SEC16B: variants seen among roughly 807,000 people sequenced by gnomAD.
SEC16B encodes protein transport protein Sec16B.
In SEC16B, 115 loss-of-function variants were observed where a neutral mutation model predicts 141.8. The ratio of observed to expected loss-of-function variants is 0.81; its 90% CI spans 0.70 to 0.95. The LOEUF (loss-of-function observed/expected upper bound fraction) is 0.95. SEC16B is among the 40% of genes least tolerant of loss of function. SEC16B has a pLI of 0.00. For missense variants in SEC16B, 1,291 were observed against 1,312.3 expected (o/e 0.98, Z 0.25); for synonymous variants, 493 against 492.5 (o/e 1.00, Z -0.01).
intron 24 of SEC16B, among the ~76,000 whole-genome samples, chr1:177,931,909 T>C (rs941110315): frequency 6.6e-6 from 1 of 151,358 alleles, no homozygotes; most frequent in African/African-American, 2.4e-5. Context: ...GAACTCCACC[T>C]CCTCCTGGGA....
chr1:177,944,770 T>G, intron 14 of SEC16B, 104 bp from the exon 15 acceptor site: 1 of 923,054 alleles, frequency 1.1e-6, no homozygotes, highest in South Asian at 1.5e-5. Flanking sequence ...ATGGGGGAGT[T>G]TCCATCCTGG....
chr1:177,933,491 T>C lies in SEC16B; in HGVS notation c.2717A>G (p.His906Arg), dbSNP rs557959940. The C allele has an allele frequency of 1.2e-6, 2 of 1,613,104 alleles. No individual in the cohort carries two copies. Among genetic ancestry groups the C allele is most frequent in the South Asian group, 2.2e-5 (2 of 90,766 alleles). ...QRGKLGDGKE[H>R]TKSSGFGWFS... ...AAGAACAAGTCCCTCCACCTTTGTA[T>C]GCTCCTTCCCATCTCCGAGCTTGCC... The change falls in exon 21 of 26, where the codon CAT (histidine) becomes CGT (arginine). Residue 906 changes from histidine to arginine, a missense_variant. Physicochemically the swap from His to Arg is conservative, Grantham distance 29. This residue lies in a region of SEC16B where 605 missense variants were observed against 614.1 expected (regional missense o/e 0.99). Transcript: ENST00000308284.
intron 3 of SEC16B, among the ~76,000 whole-genome samples, 173 bp downstream of exon 3, chr1:177,965,720 T>C (rs1653463703): frequency 6.6e-6 from 1 of 152,186 alleles, no homozygotes; most frequent in African/African-American, 2.4e-5. Context: ...AAACAACTCC[T>C]TTATATCTCT....
In SEC16B at chr1:177,929,720, C is replaced by G. The variant is rs1650270540; in HGVS notation, c.*138G>C. ...TTGAGAGATCCTGTCCTCTTGCCTT[C>G]TAAGTGCCCGGTGGAGGCATCGGGC... On this transcript the variant is annotated 3_prime_UTR_variant, in exon 26 of 26. Coordinates refer to ENST00000308284, the MANE Select transcript of SEC16B (RefSeq NM_033127.4). The G allele has an allele frequency of 1.2e-6, 1 of 807,346 alleles. No individual in the cohort carries two copies. Among genetic ancestry groups the G allele is most frequent in the African/African-American group, 1.7e-5 (1 of 58,326 alleles). The allele number at this position is 807,346 out of a possible 1,614,324, so 50.0% of individuals were successfully genotyped here.
At chr1:177,982,851 G>A (rs895709250) in intron 1 of SEC16B, among the ~76,000 whole-genome samples, 6 of 152,156 alleles carry the variant, frequency 3.9e-5, no homozygotes, top group Non-Finnish European at 7.3e-5. Flanking sequence ...GTCAGCAGCC[G>A]TTGAAAAGGT....
chr1:177,933,392 C>T, intron 21 of SEC16B, 80 bp from the exon 22 acceptor site: 1 of 1,559,840 alleles, frequency 6.4e-7, no homozygotes, highest in Non-Finnish European at 8.7e-7. Context: ...CCCATGTAAC[C>T]ATCAGAGCCC....
At chr1:177,933,340 C>A in intron 21 of SEC16B, 28 bp from the exon 22 acceptor site, 1 of 1,576,158 alleles carries the variant, frequency 6.3e-7, no homozygotes, top group Non-Finnish European at 8.6e-7. Flanking sequence ...CATTTTATGA[C>A]CTGCAGGTTG....
chr1:177,944,805 A>C, intron 14 of SEC16B, 139 bp from the exon 15 acceptor site: 1 of 614,682 alleles, frequency 1.6e-6, no homozygotes, highest in South Asian at 2.2e-5. Context: ...CGGCTTCAAG[A>C]GAAGAAGGAG....
intron 5 of SEC16B, among the ~76,000 whole-genome samples, chr1:177,962,439 G>A (rs1027028607): frequency 1.3e-5 from 2 of 150,856 alleles, no homozygotes; most frequent in South Asian, 2.2e-4. Flanking sequence ...GGATGCAGGT[G>A]TAAAGAAATT....
chr1:177,958,080 G>A, intron 10 of SEC16B, 52 bp downstream of exon 10: 1 of 1,259,272 alleles, frequency 7.9e-7, no homozygotes, highest in Non-Finnish European at 1.1e-6. Flanking sequence ...GAGTGGTGGA[G>A]AGGGATGGTG....
chr1:177,933,537 G>C lies in SEC16B; in HGVS notation c.2671C>G (p.Pro891Ala), dbSNP rs371931365. 7 of 1,613,822 alleles carry C rather than the reference G, an allele frequency of 4.3e-6. No homozygotes were observed. The highest frequency in any genetic ancestry group is 5.9e-6 in the Non-Finnish European group (7 of 1,179,886). Residue 891 changes from proline to alanine, a missense_variant, in exon 21 of 26, where the codon CCC (proline) becomes GCC (alanine). This residue lies in a region of SEC16B where 605 missense variants were observed against 614.1 expected (regional missense o/e 0.99). Coordinates refer to ENST00000308284, the MANE Select transcript of SEC16B (RefSeq NM_033127.4). The stretch of plus-strand genomic sequence containing the variant: ...TTGCCTCTCTGGGCAGTATTTCGGG[G>C]AGAGTTTTTATCAGCCTCATCAGAG... ...ESSDEADKNS[P>A]RNTAQRGKLG...
At chr1:177,945,179 G>A (rs1454297960) in intron 14 of SEC16B, among the ~76,000 whole-genome samples, 4 of 152,164 alleles carry the variant, frequency 2.6e-5, no homozygotes, top group African/African-American at 9.7e-5. Context: ...ATCAAACACG[G>A]GTCCATACAT....
chr1:177,963,004 A>G (rs1327903900), intron 5 of SEC16B, among the ~76,000 whole-genome samples: 1 of 151,788 alleles, frequency 6.6e-6, no homozygotes, highest in Non-Finnish European at 1.5e-5. Context: ...GCTACTAGGA[A>G]GGCCGAGGCA....
intron 19 of SEC16B, among the ~76,000 whole-genome samples, chr1:177,936,790 T>G (rs1243409740): frequency 6.6e-6 from 1 of 152,196 alleles, no homozygotes; most frequent in African/African-American, 2.4e-5. Context: ...GTCGAAGGTC[T>G]GATGGGCCTG....
rs1473094315 is a variant in SEC16B, at chr1:177,929,568, C to T, written c.*290G>A. 1 of 388,356 alleles carries T rather than the reference C, an allele frequency of 2.6e-6. No homozygotes were observed. The allele number at this position is 388,356 out of a possible 1,614,324, so 24.1% of individuals were successfully genotyped here. ...AATTTCCCCAAGGCTCTCAAGCCAC[C>T]ACCATAAGTGCCACCACCATGTCAC... On this transcript the variant is annotated 3_prime_UTR_variant, in exon 26 of 26. Transcript: ENST00000308284.
intron 1 of SEC16B, among the ~76,000 whole-genome samples, chr1:177,981,796 A>C (rs1238147752): frequency 6.6e-6 from 1 of 152,156 alleles, no homozygotes; most frequent in East Asian, 1.9e-4. Context: ...TTAGGCAGTA[A>C]ATATGAGTCA....
chr1:177,956,234 C>A (rs1383719386), intron 10 of SEC16B, among the ~76,000 whole-genome samples: 1 of 152,178 alleles, frequency 6.6e-6, no homozygotes, highest in African/African-American at 2.4e-5. Context: ...TACATATTTT[C>A]TGTGGCTGCT....
At chr1:177,939,619 A>C (rs551892899) in intron 18 of SEC16B, 83 bp downstream of exon 18, 2 of 1,192,628 alleles carry the variant, frequency 1.7e-6, no homozygotes, top group Non-Finnish European at 2.4e-6. Context: ...GCAAAGGGCG[A>C]GTGCTTTCAT....
chr1:177,928,791 G>A lies in SEC16B; in HGVS notation c.*1067C>T, dbSNP rs1650209311. Reference sequence around the variant, plus strand: ...AAAAATCAGCCAGAGACAAGCATTTGCTATAAAATTATCTGGGTTTAATTA... The same window carrying A: ...AAAAATCAGCCAGAGACAAGCATTTACTATAAAATTATCTGGGTTTAATTA... On this transcript the variant is annotated 3_prime_UTR_variant, in exon 26 of 26. Coordinates refer to ENST00000308284, the MANE Select transcript of SEC16B (RefSeq NM_033127.4). 1 of 152,112 alleles carries A rather than the reference G, an allele frequency of 6.6e-6. No individual in the cohort carries two copies. Among genetic ancestry groups the A allele is most frequent in the African/African-American group, 2.4e-5 (1 of 41,420 alleles). 9.4% of individuals were successfully genotyped at this position (152,112 alleles called of 1,614,324 possible). A position where few individuals can be genotyped will look rare whatever the true frequency, so the allele number is the denominator to read the frequency against.
Sources: gnomAD v4.1 joint callset for allele counts (sites outside exome capture counted in the v4.1 genomes callset) on GRCh38, gnomAD v4.1.1 for gene constraint, gnomAD v4.1.1 regional missense constraint, MANE v1.5 for transcripts, NCBI Gene and HGNC (gene_info 2026-07-23, HGNC 2026-07-21) for gene names.